AUTS2: variants seen among roughly 807,000 people sequenced by gnomAD.
AUTS2 encodes the protein activator of transcription and developmental regulator AUTS2.
Under a neutral mutation model 112.4 loss-of-function variants are expected in AUTS2, and 17 were observed. The ratio of observed to expected loss-of-function variants is 0.15; its 90% confidence interval spans 0.10 to 0.23. The LOEUF (loss-of-function observed/expected upper bound fraction) is 0.23, where lower values mean the gene tolerates loss of function less well. AUTS2 is among the 10% of genes least tolerant of loss of function. The pLI is 1.00. For synonymous variants in AUTS2, 751 were observed against 702.7 expected (o/e 1.07, Z -1.09); for missense variants, 1,510 against 1,701.6 (o/e 0.89, Z 1.98).
chr7:70,128,385 T>C (rs1468083300), intron 3 of AUTS2, among the ~76,000 whole-genome samples: 9 of 152,208 alleles, frequency 5.9e-5, no homozygotes, highest in Admixed American at 5.9e-4. Context: ...CAATTTTTTC[T>C]AATAGAATGT....
intron 4 of AUTS2, among the ~76,000 whole-genome samples, chr7:70,401,380 C>A (rs1794320295): frequency 6.6e-6 from 1 of 152,166 alleles, no homozygotes. Context: ...ACTTCTGTTG[C>A]AAGCCACTTG....
intron 18 of AUTS2, among the ~76,000 whole-genome samples, chr7:70,788,792 G>A (rs1791683749): frequency 6.6e-6 from 1 of 152,216 alleles, no homozygotes; most frequent in African/African-American, 2.4e-5. Context: ...TTGCACACCA[G>A]CACCAAGCCA....
At chr7:70,337,678 A>C (rs1331536552) in intron 4 of AUTS2, among the ~76,000 whole-genome samples, 1 of 152,232 alleles carries the variant, frequency 6.6e-6, no homozygotes, top group Admixed American at 6.5e-5. Flanking sequence ...GGGAAGTCCC[A>C]TTAGTCTTTA....
chr7:69,788,474 G>A (rs1364961697), intron 1 of AUTS2, among the ~76,000 whole-genome samples: 2 of 152,098 alleles, frequency 1.3e-5, no homozygotes, highest in Non-Finnish European at 2.9e-5. Flanking sequence ...GTGAAGTCTG[G>A]GCAGGCTTCA....
intron 4 of AUTS2, among the ~76,000 whole-genome samples, chr7:70,213,361 TAAA>T (rs34904267): frequency 1.5e-4 from 15 of 97,428 alleles, no homozygotes; most frequent in African/African-American, 4.2e-4. Context: ...ACCCCCTTTC[TAAA>T]AAAAAAAAAA....
chr7:70,695,850 G>GT lies in AUTS2; in HGVS notation c.691-2715dup, dbSNP rs1809063383. Among the ~76,000 whole-genome samples the GT allele has an allele frequency of 2.0e-5, 3 of 152,220 alleles. No individual in the cohort carries two copies. The South Asian group carries it at 6.2e-4, about 32-fold the overall frequency. ...AAAAGAGAGCTTTGGTTTTCTGTCA[G>GT]TTTTAGATTCAACCACTTCATGCCC... On this transcript the variant is annotated intron_variant, in intron 5 of 18. Transcript: ENST00000342771.
intron 1 of AUTS2, among the ~76,000 whole-genome samples, chr7:69,627,014 A>C (rs759386067): frequency 8.5e-5 from 13 of 152,266 alleles, no homozygotes; most frequent in Non-Finnish European, 1.8e-4. Context: ...GTGCAGTATA[A>C]GAAATAGAAA....
chr7:70,237,150 T>C (rs1812370228), intron 4 of AUTS2, among the ~76,000 whole-genome samples: 1 of 152,168 alleles, frequency 6.6e-6, no homozygotes, highest in Non-Finnish European at 1.5e-5. Flanking sequence ...TCACTGTTGA[T>C]TCCTGCTTGT....
chr7:70,517,080 T>C lies in AUTS2; in HGVS notation c.690+81299T>C, dbSNP rs1277039124. 3.3e-5 allele frequency among the ~76,000 whole-genome samples: 5 copies of C among 152,214 alleles called. No homozygotes were observed. The South Asian group carries it at 6.2e-4, about 19-fold the overall frequency. Reference sequence around the variant, plus strand: ...AGAGATATGAGAACACACTCAGTTCTTCCCAAATCCCAGGACTTATGCAGC... The same window carrying C: ...AGAGATATGAGAACACACTCAGTTCCTCCCAAATCCCAGGACTTATGCAGC... On this transcript the variant is annotated intron_variant, in intron 5 of 18. Coordinates refer to ENST00000342771, the MANE Select transcript of AUTS2 (RefSeq NM_015570.4).
At chr7:70,254,521 C>G (rs1403175802) in intron 4 of AUTS2, among the ~76,000 whole-genome samples, 2 of 152,184 alleles carry the variant, frequency 1.3e-5, no homozygotes, top group Non-Finnish European at 2.9e-5. Context: ...ACTAAGCACT[C>G]ATTTGTTTTT....
chr7:70,761,661 G>C (rs1789571959), intron 6 of AUTS2, among the ~76,000 whole-genome samples: 1 of 152,144 alleles, frequency 6.6e-6, no homozygotes, highest in African/African-American at 2.4e-5. Context: ...TATGGAGTTT[G>C]GCTTATGGGG....
At chr7:70,686,645 C>T (rs2129545830) in intron 5 of AUTS2, among the ~76,000 whole-genome samples, 1 of 152,102 alleles carries the variant, frequency 6.6e-6, no homozygotes, top group South Asian at 2.1e-4. Context: ...ATTCTCCTGC[C>T]TCAGCCTCCC....
chr7:70,740,834 C>T (rs778389699), intron 6 of AUTS2, among the ~76,000 whole-genome samples: 2 of 152,146 alleles, frequency 1.3e-5, no homozygotes, highest in Non-Finnish European at 2.9e-5. Flanking sequence ...TGGCTCATGC[C>T]TATAATCCCA....
chr7:69,906,213 T>G (rs1251760883), intron 2 of AUTS2, among the ~76,000 whole-genome samples: 1 of 152,198 alleles, frequency 6.6e-6, no homozygotes, highest in Non-Finnish European at 1.5e-5. Context: ...AACTGTGTAT[T>G]TTTGTGCTGA....
At chr7:70,165,656 C>G (rs546461127) in intron 4 of AUTS2, among the ~76,000 whole-genome samples, 153 of 152,274 alleles carry the variant, frequency 1.0e-3, no homozygotes, top group African/African-American at 3.5e-3. Flanking sequence ...ACAGGAAGCT[C>G]TTCAGACAGT....
intron 1 of AUTS2, 65 bp downstream of exon 1, chr7:69,600,027 C>A: frequency 2.6e-6 from 4 of 1,536,698 alleles, no homozygotes; most frequent in East Asian, 2.3e-5. Flanking sequence ...GCGCCCGGCT[C>A]TCCTGCCTCC....
intron 4 of AUTS2, among the ~76,000 whole-genome samples, chr7:70,139,713 A>G (rs1806754101): frequency 1.3e-5 from 2 of 152,136 alleles, no homozygotes; most frequent in South Asian, 4.1e-4. Flanking sequence ...TAATTTATAA[A>G]TGAGGGCTGG....
intron 5 of AUTS2, among the ~76,000 whole-genome samples, chr7:70,672,837 G>A (rs568186930): frequency 2.0e-5 from 3 of 152,064 alleles, no homozygotes; most frequent in Admixed American, 6.6e-5. Flanking sequence ...TCCTGACCTC[G>A]TGATCTGCCT....
At chr7:70,716,332 T>C (rs1810360929) in intron 6 of AUTS2, among the ~76,000 whole-genome samples, 1 of 152,108 alleles carries the variant, frequency 6.6e-6, no homozygotes, top group Non-Finnish European at 1.5e-5. Context: ...TTGGTGAATT[T>C]AAAAATGTCT....
Sources: allele counts gnomAD v4.1 joint callset (sites outside exome capture counted in the v4.1 genomes callset), GRCh38; gene constraint gnomAD v4.1.1; transcripts MANE v1.5; gene names NCBI Gene and HGNC (gene_info 2026-07-23, HGNC 2026-07-21).